Variants in DESI2 observed in about 807,000 individuals in gnomAD.
The protein encoded by DESI2 is desumoylating isopeptidase 2.
DESI2 carries 10 observed loss-of-function variants against 24.1 expected under a neutral mutation model. The ratio of observed to expected loss-of-function variants is 0.41; its 90% CI spans 0.26 to 0.70. The LOEUF (loss-of-function observed/expected upper bound fraction) is 0.70, where lower values mean the gene tolerates loss of function less well. DESI2 is among the 30% of genes least tolerant of loss of function. The pLI, the probability that DESI2 is intolerant of heterozygous loss-of-function variation, is 0.29. For missense variants in DESI2, 122 were observed against 234.9 expected, an observed-to-expected ratio of 0.52 and a Z score of 3.14; for synonymous variants, 71 against 87.7, an observed-to-expected ratio of 0.81 and a Z score of 1.06.
chr1:244,705,433 T>G (rs1389886646), intron 4 of DESI2, 123 bp from the exon 5 acceptor site: 1 of 716,566 alleles, frequency 1.4e-6, no homozygotes, highest in African/African-American at 1.7e-5. Flanking sequence ...GTGACACCAC[T>G]GAAGGCTAGT....
chr1:244,685,516 A>G (rs964730418), intron 1 of DESI2, among the ~76,000 whole-genome samples: 2 of 152,130 alleles, frequency 1.3e-5, no homozygotes, highest in Non-Finnish European at 2.9e-5. Flanking sequence ...ATATTTATTT[A>G]TGATTGCTTA....
intron 1 of DESI2, among the ~76,000 whole-genome samples, chr1:244,660,446 G>A (rs967016128): frequency 1.4e-4 from 21 of 152,318 alleles, no homozygotes; most frequent in Admixed American, 3.3e-4. Flanking sequence ...GATTATAGGC[G>A]TGAGCCACCG....
chr1:244,692,385 T>G (rs1316562860), intron 4 of DESI2, among the ~76,000 whole-genome samples: 1 of 152,098 alleles, frequency 6.6e-6, no homozygotes, highest in Non-Finnish European at 1.5e-5. Flanking sequence ...TTCTGGCTCT[T>G]ATTAATAAGT....
At chr1:244,687,539 G>A (rs1461638814) in intron 2 of DESI2, among the ~76,000 whole-genome samples, 1 of 152,148 alleles carries the variant, frequency 6.6e-6, no homozygotes, top group Non-Finnish European at 1.5e-5. Flanking sequence ...TTTACTGAGG[G>A]TTACCCCTGA....
At chr1:244,675,984 C>T (rs949176950) in intron 1 of DESI2, among the ~76,000 whole-genome samples, 1 of 151,998 alleles carries the variant, frequency 6.6e-6, no homozygotes, top group African/African-American at 2.4e-5. Flanking sequence ...TTATGAACTT[C>T]TTAAATGTAT....
chr1:244,674,976 A>G (rs1676367848), intron 1 of DESI2, among the ~76,000 whole-genome samples: 1 of 152,224 alleles, frequency 6.6e-6, no homozygotes. Flanking sequence ...CATTCCCACC[A>G]GTAATGTATT....
intron 1 of DESI2, among the ~76,000 whole-genome samples, chr1:244,681,826 T>C (rs140476252): frequency 6.6e-6 from 1 of 152,230 alleles, no homozygotes; most frequent in African/African-American, 2.4e-5. Flanking sequence ...GGTTCATTTG[T>C]TTTTGTTTGA....
At chr1:244,660,084 T>A (rs1675786336) in intron 1 of DESI2, among the ~76,000 whole-genome samples, 1 of 152,222 alleles carries the variant, frequency 6.6e-6, no homozygotes, top group Non-Finnish European at 1.5e-5. Flanking sequence ...ATTTGAAACT[T>A]GTAAATCAGA....
At position 244,705,676 on chromosome 1, in the gene DESI2, A is replaced by C; in HGVS notation, c.472A>C (p.Ser158Arg). 6.2e-7 allele frequency: 1 copy of C among 1,614,110 alleles called. No homozygotes were observed. The highest frequency in any genetic ancestry group is 8.5e-7 in the Non-Finnish European group (1 of 1,180,006). Residue 158 changes from serine (S) to arginine (R), a missense_variant, in exon 5 of 5, where the codon AGT becomes CGT. Ser to Arg is a moderately radical substitution (Grantham distance 110). Around this residue, in one of 6 missense-constraint regions of DESI2, gnomAD observed 56 missense variants for 67.9 expected, o/e 0.82. Coordinates refer to ENST00000302550, the MANE Select transcript of DESI2 (RefSeq NM_016076.5). Reference protein sequence around the residue: ...EWLTPAALQSSVSQELQDELE... With the variant: ...EWLTPAALQSRVSQELQDELE... Reference sequence around the variant, plus strand: ...GCTCACGCCCGCAGCCCTGCAGTCTAGTGTCAGCCAAGAACTCCAGGATGA... The same window carrying C: ...GCTCACGCCCGCAGCCCTGCAGTCTCGTGTCAGCCAAGAACTCCAGGATGA...
chr1:244,676,448 T>C (rs1466435228), intron 1 of DESI2, among the ~76,000 whole-genome samples: 1 of 152,144 alleles, frequency 6.6e-6, no homozygotes, highest in Non-Finnish European at 1.5e-5. Context: ...TTAGTAATTT[T>C]TTAGTGGATT....
rs1176952652 is a variant in DESI2, at chr1:244,706,995, G to C, written c.*1206G>C. 6.6e-6 allele frequency: 1 copy of C among 152,584 alleles called. No individual in the cohort carries two copies. Among genetic ancestry groups the C allele is most frequent in the Non-Finnish European group, 1.5e-5 (1 of 68,022 alleles). 9.5% of individuals were successfully genotyped at this position (152,584 alleles called of 1,614,324 possible). A position where few individuals can be genotyped will look rare whatever the true frequency, so the allele number is the denominator to read the frequency against. On this transcript the variant is annotated 3_prime_UTR_variant, in exon 5 of 5. Transcript: ENST00000302550. ...CCACAGGTAAATCCTTGTTAGCAAG[G>C]AATCTGTCTGCTCCAGTCTACTCCT...
At chr1:244,702,352 A>G (rs1192829779) in intron 4 of DESI2, among the ~76,000 whole-genome samples, 1 of 152,084 alleles carries the variant, frequency 6.6e-6, no homozygotes, top group Non-Finnish European at 1.5e-5. Flanking sequence ...CGTCTCTACT[A>G]AAAATACAAA....
chr1:244,665,214 CTTATA>C (rs1204478064), intron 1 of DESI2, among the ~76,000 whole-genome samples: 1 of 151,514 alleles, frequency 6.6e-6, no homozygotes, highest in Non-Finnish European at 1.5e-5. Flanking sequence ...AAGCCATTTC[CTTATA>C]TTATTATCCC....
At position 244,683,740 on chromosome 1, in the gene DESI2, A is replaced by G. The variant is rs528033261; in HGVS notation, c.43-2857A>G. The stretch of plus-strand genomic sequence containing the variant: ...CAACACTTTTTGAATTTTTTTTTAG[A>G]GACAGGGTCTCACTTTGTTGCCCTG... On this transcript the variant is annotated intron_variant, in intron 1 of 4. Coordinates refer to ENST00000302550, the MANE Select transcript of DESI2 (RefSeq NM_016076.5). 8.6e-5 allele frequency among the ~76,000 whole-genome samples: 13 copies of G among 151,798 alleles called. No homozygotes were observed. In the East Asian group the frequency reaches 1.6e-3, roughly 18 times the overall value.
Position 244,705,582 on chromosome 1 carries a change from C to G in DESI2, c.378C>G (p.Arg126=), listed in dbSNP as rs770050624. 4 of 1,614,174 alleles carry G rather than the reference C, an allele frequency of 2.5e-6. No individual in the cohort carries two copies. Among genetic ancestry groups the G allele is most frequent in the Middle Eastern group, 1.6e-4 (1 of 6,062 alleles). Residue 126 remains arginine, a synonymous_variant, in exon 5 of 5, where the codon CGC becomes CGG. Coordinates refer to ENST00000302550, the MANE Select transcript of DESI2 (RefSeq NM_016076.5). Reference sequence around the variant, plus strand: ...TTCTTTGTGGGAAAGAGATTCCTCGCTGGATCAATCGACTTGCCTACTTCA... The same window carrying G: ...TTCTTTGTGGGAAAGAGATTCCTCGGTGGATCAATCGACTTGCCTACTTCA... ...SEILCGKEIP[R]WINRLAYFSS... is the part of the protein sequence containing the mutation.
At chr1:244,693,534 C>T (rs1423554805) in intron 4 of DESI2, among the ~76,000 whole-genome samples, 7 of 152,014 alleles carry the variant, frequency 4.6e-5, no homozygotes, top group Non-Finnish European at 1.0e-4. Flanking sequence ...CAGGTTCAAG[C>T]GATTCTCCTG....
At chr1:244,653,941 A>G in intron 1 of DESI2, 1 of 471,278 alleles carries the variant, frequency 2.1e-6, no homozygotes, top group Non-Finnish European at 4.4e-6. Flanking sequence ...GAATGAGGCT[A>G]ACATTTCTCA....
At chr1:244,672,053 C>T (rs1676264997) in intron 1 of DESI2, among the ~76,000 whole-genome samples, 1 of 152,148 alleles carries the variant, frequency 6.6e-6, no homozygotes, top group Non-Finnish European at 1.5e-5. Context: ...GACCTCCAGG[C>T]CAGGTGCAGT....
At chr1:244,665,160 T>TA (rs778824308) in intron 1 of DESI2, among the ~76,000 whole-genome samples, 17 of 152,160 alleles carry the variant, frequency 1.1e-4, no homozygotes, top group Admixed American at 1.1e-3. Flanking sequence ...CCGATATTAA[T>TA]ACCTGATTTT....
Sources: allele counts gnomAD v4.1 joint callset (sites outside exome capture counted in the v4.1 genomes callset), GRCh38; gene constraint gnomAD v4.1.1; regional missense constraint gnomAD v4.1.1; transcripts MANE v1.5; gene names NCBI Gene and HGNC (gene_info 2026-07-23, HGNC 2026-07-21).